Variants in CCDC190 observed in about 807,000 individuals in gnomAD.
CCDC190 encodes coiled-coil domain containing 190, also known as coiled-coil domain-containing protein 190.
Under a neutral mutation model 13.1 loss-of-function variants are expected in CCDC190, and 10 were observed. The observed-to-expected ratio is 0.77, with a 90% confidence interval of 0.47 to 1.30. The LOEUF is 1.30. Among genes scored for constraint, CCDC190 ranks in the 50% most tolerant of loss-of-function variants. The pLI is 0.00. For synonymous variants in CCDC190, 136 were observed against 127.2 expected (o/e 1.07, Z -0.47); for missense variants, 375 against 354.3 (o/e 1.06, Z -0.47).
At position 162,855,267 on chromosome 1, in the gene CCDC190, C is replaced by G; in HGVS notation, c.404G>C (p.Ser135Thr). Residue 135 changes from serine (S) to threonine (T), a missense_variant, in exon 4 of 4, where the codon AGC (serine) becomes ACC (threonine). By Grantham distance (58) the Ser-to-Thr change is moderately conservative. Coordinates refer to ENST00000367912, the MANE Select transcript of CCDC190 (RefSeq NM_001394065.1). ...ATTTTGAGAGAGTGGCTGCTTTTTG[C>G]TCTTCATGGGGTCTTTGAGGCCAGC... Reference protein sequence around the residue: ...HDAGLKDPMKSKKQPLSQNNR... With the variant: ...HDAGLKDPMKTKKQPLSQNNR... 1 of 1,613,876 alleles carries G rather than the reference C, an allele frequency of 6.2e-7. No homozygotes were observed. The highest frequency in any genetic ancestry group is 8.5e-7 in the Non-Finnish European group (1 of 1,179,866).
intron 2 of CCDC190, among the ~76,000 whole-genome samples, chr1:162,857,363 C>G (rs965503473): frequency 6.6e-6 from 1 of 152,298 alleles, no homozygotes; most frequent in South Asian, 2.1e-4. Context: ...TTTCACCAGT[C>G]TCAAACCCTA....
chr1:162,862,680 G>A (rs1650562352), upstream of CCDC190, among the ~76,000 whole-genome samples: 1 of 152,180 alleles, frequency 6.6e-6, no homozygotes, highest in South Asian at 2.1e-4. Context: ...GAATAGATAG[G>A]AAAATACCAG....
intron 1 of CCDC190, among the ~76,000 whole-genome samples, chr1:162,867,043 AT>A (rs537837824): frequency 7.9e-4 from 120 of 152,248 alleles, no homozygotes; most frequent in African/African-American, 2.9e-3. Context: ...TTTGGCAAAG[AT>A]TTCTTATATA....
chr1:162,854,452 C>T lies in CCDC190; in HGVS notation c.*313G>A, dbSNP rs1650213452. 3 of 1,088,120 alleles carry T rather than the reference C, an allele frequency of 2.8e-6. No homozygotes were observed. Among genetic ancestry groups the T allele is most frequent in the Admixed American group, 4.7e-5 (1 of 21,284 alleles). 67.4% of individuals were successfully genotyped at this position (1,088,120 alleles called of 1,614,324 possible). On this transcript the variant is annotated 3_prime_UTR_variant, in exon 4 of 4. Transcript: ENST00000367912. ...CACCATGAGAATCTCCTAGAGGAAACAGGAAGTCCCTGAAAGCAAGACTGT... is the reference window on the plus strand; with the variant it reads ...CACCATGAGAATCTCCTAGAGGAAATAGGAAGTCCCTGAAAGCAAGACTGT...
At chr1:162,860,178 G>C (rs1170742624) in intron 1 of CCDC190, among the ~76,000 whole-genome samples, 2 of 152,124 alleles carry the variant, frequency 1.3e-5, no homozygotes, top group African/African-American at 4.8e-5. Flanking sequence ...TGTATGCCAG[G>C]TGCTATGCTA....
At chr1:162,868,417 GA>G (rs11366428) in intron 1 of CCDC190, among the ~76,000 whole-genome samples, 90,823 of 151,948 alleles carry the variant, frequency 0.6, 27,524 homozygotes, top group South Asian at 0.64. Flanking sequence ...TACTTTCATA[GA>G]TTAAGATTCA....
chr1:162,863,671 G>A (rs1048009864), upstream of CCDC190, among the ~76,000 whole-genome samples: 10 of 152,142 alleles, frequency 6.6e-5, no homozygotes, highest in Non-Finnish European at 1.3e-4. Context: ...AGACAAAGGT[G>A]TAAGTTCAGA....
chr1:162,855,179 T>C lies in CCDC190; in HGVS notation c.492A>G (p.Pro164=), dbSNP rs780605929. ...PQAQEKDSVN[P]SKDVDPSKGI... ...CCTTGCTGGGGTCTACGTCCTTAGA[T>C]GGATTCACAGAATCTTTCTCTTGGG... Residue 164 remains proline (P), a synonymous_variant, in exon 4 of 4, where the codon CCA becomes CCG. Coordinates refer to ENST00000367912, the MANE Select transcript of CCDC190 (RefSeq NM_001394065.1). 2.5e-6 allele frequency: 4 copies of C among 1,613,998 alleles called. No individual in the cohort carries two copies. The Admixed American group carries it at 6.7e-5, about 27-fold the overall frequency.
Position 162,853,176 on chromosome 1 carries a change from T to C in CCDC190, c.*1589A>G. 6.5e-7 allele frequency: 1 copy of C among 1,537,016 alleles called. No individual in the cohort carries two copies. Among genetic ancestry groups the C allele is most frequent in the Non-Finnish European group, 8.8e-7 (1 of 1,139,872 alleles). Reference sequence around the variant, plus strand: ...CAGAGGCTGGGCTGATGAAACTGACTCTCAAATGTTTGATCTAAGTTTTTG... The same window carrying C: ...CAGAGGCTGGGCTGATGAAACTGACCCTCAAATGTTTGATCTAAGTTTTTG... On this transcript the variant is annotated 3_prime_UTR_variant, in exon 4 of 4. Transcript: ENST00000367912.
intron 2 of CCDC190, among the ~76,000 whole-genome samples, chr1:162,856,426 T>C (rs1650304222): frequency 1.3e-5 from 2 of 152,218 alleles, no homozygotes; most frequent in African/African-American, 2.4e-5. Flanking sequence ...GCAAGCACAA[T>C]GTTTTCAAAA....
At chr1:162,860,549 A>G (rs1336707716) in intron 1 of CCDC190, among the ~76,000 whole-genome samples, 1 of 150,810 alleles carries the variant, frequency 6.6e-6, no homozygotes, top group African/African-American at 2.4e-5. Flanking sequence ...TGCTGTCAAT[A>G]AAAGGTTTGG....
rs1024798682 is a variant in CCDC190 at position 162,851,880 on chromosome 1, C to T, written c.*2885G>A. On this transcript the variant is annotated 3_prime_UTR_variant, in exon 4 of 4. Coordinates refer to ENST00000367912, the MANE Select transcript of CCDC190 (RefSeq NM_001394065.1). ...GTTGAAAGCATTTCTTAACTGAAAA[C>T]GAGGGCAGGAGCCATCGGACACATG... 1 of 152,272 alleles carries T rather than the reference C, an allele frequency of 6.6e-6. No individual in the cohort carries two copies. The highest frequency in any genetic ancestry group is 1.5e-5 in the Non-Finnish European group (1 of 68,020). 9.4% of individuals were successfully genotyped at this position (152,272 alleles called of 1,614,324 possible). A position where few individuals can be genotyped will look rare whatever the true frequency, so the allele number is the denominator to read the frequency against.
chr1:162,854,637 G>A lies in CCDC190; in HGVS notation c.*128C>T. On this transcript the variant is annotated 3_prime_UTR_variant, in exon 4 of 4. Transcript: ENST00000367912. ...TATTATATTCCCGGAAAATAATAGG[G>A]AGTTTAAAATAAAATTGTAATTCAA... 2.1e-6 allele frequency: 3 copies of A among 1,410,584 alleles called. No homozygotes were observed. The highest frequency in any genetic ancestry group is 2.8e-6 in the Non-Finnish European group (3 of 1,083,504). The allele number at this position is 1,410,584 out of a possible 1,614,324, so 87.4% of individuals were successfully genotyped here. A position where few individuals can be genotyped will look rare whatever the true frequency, so the allele number is the denominator to read the frequency against.
upstream of CCDC190, among the ~76,000 whole-genome samples, chr1:162,865,852 C>T (rs1398841798): frequency 6.6e-6 from 1 of 152,128 alleles, no homozygotes; most frequent in African/African-American, 2.4e-5. Flanking sequence ...TAGATATTTG[C>T]TCTTACCACT....
intron 2 of CCDC190, among the ~76,000 whole-genome samples, chr1:162,857,508 C>G (rs1650344598): frequency 1.3e-5 from 2 of 152,160 alleles, no homozygotes; most frequent in South Asian, 4.1e-4. Flanking sequence ...ATGTCACATG[C>G]CTGCAGTACT....
upstream of CCDC190, among the ~76,000 whole-genome samples, chr1:162,864,504 T>C (rs576578330): frequency 5.3e-5 from 8 of 152,288 alleles, no homozygotes; most frequent in South Asian, 1.4e-3. Context: ...TATAAATCTC[T>C]TTAAAATGTA....
upstream of CCDC190, among the ~76,000 whole-genome samples, chr1:162,865,842 T>C (rs1450269385): frequency 6.6e-6 from 1 of 152,158 alleles, no homozygotes; most frequent in African/African-American, 2.4e-5. Context: ...GAACAAGGCA[T>C]AGATATTTGC....
Position 162,855,382 on chromosome 1 carries a change from G to A in CCDC190, c.312-23C>T, listed in dbSNP as rs199928833. 1.1e-3 allele frequency: 1,677 copies of A among 1,569,516 alleles called. 3 individuals carry two copies. The highest frequency in any genetic ancestry group is 1.3e-3 in the Non-Finnish European group (1,554 of 1,166,368). On this transcript the variant is annotated intron_variant, in intron 3 of 3. Transcript: ENST00000367912. ...GCTCTGAGAAAGGACATAAAAGAAAGATCTCTGAAAACCAATAAAAAGGCT... is the reference window on the plus strand; with the variant it reads ...GCTCTGAGAAAGGACATAAAAGAAAAATCTCTGAAAACCAATAAAAAGGCT...
chr1:162,855,655 T>A lies in CCDC190; in HGVS notation c.288A>T (p.Arg96Ser). 1 of 1,613,894 alleles carries A rather than the reference T, an allele frequency of 6.2e-7. No individual in the cohort carries two copies. The highest frequency in any genetic ancestry group is 8.5e-7 in the Non-Finnish European group (1 of 1,179,786). ...VFSPQGRQKH[R>S]APQAKKMRAL... The stretch of plus-strand genomic sequence containing the variant: ...ACCTCATTTTCTTAGCCTGTGGGGC[T>A]CTGTGCTTCTGCCTTCCCTGTGGTG... The change falls in exon 3 of 4, where the codon AGA (arginine) becomes AGT (serine). Residue 96 changes from arginine to serine, a missense_variant. Coordinates refer to ENST00000367912, the MANE Select transcript of CCDC190 (RefSeq NM_001394065.1).
Sources: allele counts gnomAD v4.1 joint callset (sites outside exome capture counted in the v4.1 genomes callset), GRCh38; gene constraint gnomAD v4.1.1; transcripts MANE v1.5; gene names NCBI Gene and HGNC (gene_info 2026-07-23, HGNC 2026-07-21).